The following TDRP variants were observed in gnomAD, a reference collection of about 807,000 sequenced individuals.
TDRP encodes testis development related protein.
TDRP carries 12 observed loss-of-function variants against 10.5 expected under a neutral mutation model. That is an observed-to-expected ratio of 1.15 (90% confidence interval 0.73 to 1.86). The LOEUF (loss-of-function observed/expected upper bound fraction) is 1.86. Ranked by LOEUF, TDRP falls within the 40% of genes most tolerant of loss-of-function variation. The pLI is 0.00. For missense variants in TDRP, 353 were observed against 229.2 expected (o/e 1.54, Z -3.49); for synonymous variants, 139 against 95.4 (o/e 1.46, Z -2.67).
intron 1 of TDRP, among the ~76,000 whole-genome samples, chr8:501,549 G>A (rs1049521989): frequency 2.0e-5 from 3 of 152,024 alleles, no homozygotes; most frequent in South Asian, 2.1e-4. Flanking sequence ...GTTTCACTAT[G>A]TTGGCCCGGC....
chr8:500,480 A>G (rs1259486623), intron 1 of TDRP, among the ~76,000 whole-genome samples: 1 of 152,196 alleles, frequency 6.6e-6, no homozygotes, highest in Non-Finnish European at 1.5e-5. Flanking sequence ...TGAACCTGCC[A>G]ATCTTCACCT....
In TDRP at chr8:528,446, G is replaced by A. The variant is rs562098890; in HGVS notation, c.108+16204C>T. 9.9e-5 allele frequency among the ~76,000 whole-genome samples: 13 copies of A among 131,424 alleles called. 1 individual carries two copies. The South Asian group carries it at 3.7e-3, about 38-fold the overall frequency. The allele number at this position is 131,424 out of a possible 152,430, so 86.2% of individuals were successfully genotyped here. Reference sequence around the variant, plus strand: ...AGAAAGGAAATCAATATATCAAAGAGATATCTGTGCTTCCAATATATATTG... The same window carrying A: ...AGAAAGGAAATCAATATATCAAAGAAATATCTGTGCTTCCAATATATATTG... On this transcript the variant is annotated intron_variant, in intron 1 of 2. Transcript: ENST00000324079.
In TDRP at chr8:544,763, G is replaced by C. The variant is rs916416376; in HGVS notation, c.-6C>G. ...CCCCGGCCCAGCTTCCACATGGTCA[G>C]GCGGGCTCCGGCGTCCCTCCGTCCG... On this transcript the variant is annotated 5_prime_UTR_variant, in exon 1 of 3. Transcript: ENST00000324079. 6.5e-6 allele frequency: 8 copies of C among 1,233,418 alleles called. No individual in the cohort carries two copies. The highest frequency in any genetic ancestry group is 4.0e-5 in the South Asian group (1 of 24,944). The allele number at this position is 1,233,418 out of a possible 1,614,324, so 76.4% of individuals were successfully genotyped here.
chr8:512,084 T>C (rs547472783), intron 1 of TDRP, among the ~76,000 whole-genome samples: 1 of 151,204 alleles, frequency 6.6e-6, no homozygotes, highest in Non-Finnish European at 1.5e-5. Context: ...CAATAGAGAA[T>C]AACAGAAGAG....
intron 1 of TDRP, among the ~76,000 whole-genome samples, chr8:514,812 ACCACCTCTCAGCCTCCTC>A (rs1801714114): frequency 6.6e-6 from 1 of 151,990 alleles, no homozygotes; most frequent in Non-Finnish European, 1.5e-5. Flanking sequence ...GTGCCAGTTT[ACCACCTCTCAGCCTCCTC>A]CCACCCTGGT....
chr8:496,722 T>TCTGTGTCCCC (rs1801146839), intron 1 of TDRP, among the ~76,000 whole-genome samples: 1 of 152,216 alleles, frequency 6.6e-6, no homozygotes, highest in Non-Finnish European at 1.5e-5. Flanking sequence ...ACGGTGTGGC[T>TCTGTGTCCCC]CTGTGTCCCC....
intron 1 of TDRP, among the ~76,000 whole-genome samples, chr8:495,222 A>G (rs1801092188): frequency 6.6e-6 from 1 of 152,168 alleles, no homozygotes; most frequent in African/African-American, 2.4e-5. Context: ...CAACAGAGCA[A>G]GACCCCATCT....
chr8:525,110 C>T (rs940600588), intron 1 of TDRP, among the ~76,000 whole-genome samples: 6 of 152,136 alleles, frequency 3.9e-5, no homozygotes, highest in African/African-American at 1.4e-4. Context: ...TCCGATAGGT[C>T]TGGCAGCAGG....
intron 1 of TDRP, among the ~76,000 whole-genome samples, chr8:528,964 C>T (rs974427887): frequency 6.6e-6 from 1 of 152,176 alleles, no homozygotes; most frequent in African/African-American, 2.4e-5. Context: ...AGTCCCAAAA[C>T]TGAAGAACTT....
At chr8:503,130 C>T (rs913644136) in intron 1 of TDRP, among the ~76,000 whole-genome samples, 1 of 152,100 alleles carries the variant, frequency 6.6e-6, no homozygotes, top group African/African-American at 2.4e-5. Flanking sequence ...ATGCCCACCT[C>T]AGCATGTGTC....
chr8:542,269 G>A (rs909871131), intron 1 of TDRP, among the ~76,000 whole-genome samples: 1 of 152,064 alleles, frequency 6.6e-6, no homozygotes, highest in African/African-American at 2.4e-5. Context: ...TGCACAGAGG[G>A]TCTCTAAGGC....
At chr8:495,970 G>A (rs535560780) in intron 1 of TDRP, among the ~76,000 whole-genome samples, 1 of 152,308 alleles carries the variant, frequency 6.6e-6, no homozygotes, top group African/African-American at 2.4e-5. Context: ...CTGTAGACGG[G>A]GGACAGGCCC....
chr8:500,799 T>C (rs536844358), intron 1 of TDRP, among the ~76,000 whole-genome samples: 129 of 152,180 alleles, frequency 8.5e-4, no homozygotes, highest in African/African-American at 2.8e-3. Flanking sequence ...GGGCAGGAAA[T>C]AGCACAGCAA....
chr8:514,473 A>T (rs893623363), intron 1 of TDRP, among the ~76,000 whole-genome samples: 2 of 152,124 alleles, frequency 1.3e-5, no homozygotes, highest in Non-Finnish European at 2.9e-5. Flanking sequence ...ACAACCACAA[A>T]ACTGGGGACA....
intron 1 of TDRP, among the ~76,000 whole-genome samples, chr8:543,523 G>A (rs1489904498): frequency 6.6e-6 from 1 of 151,578 alleles, no homozygotes; most frequent in Non-Finnish European, 1.5e-5. Flanking sequence ...CAAGAAGAGA[G>A]CTGTTTAGAG....
At chr8:541,979 T>C (rs906292161) in intron 1 of TDRP, among the ~76,000 whole-genome samples, 9 of 152,198 alleles carry the variant, frequency 5.9e-5, no homozygotes, top group Non-Finnish European at 1.0e-4. Context: ...AATAAACTGA[T>C]GTTTATTCAT....
At chr8:509,305 T>C (rs2116771759) in intron 1 of TDRP, among the ~76,000 whole-genome samples, 1 of 152,308 alleles carries the variant, frequency 6.6e-6, no homozygotes, top group African/African-American at 2.4e-5. Context: ...CAACCCCACA[T>C]TTCCCTTCCA....
At chr8:509,672 G>T (rs1324754863) in intron 1 of TDRP, among the ~76,000 whole-genome samples, 2 of 152,116 alleles carry the variant, frequency 1.3e-5, no homozygotes, top group African/African-American at 2.4e-5. Flanking sequence ...CTGCCCCAAA[G>T]GTCTCTGACA....
At chr8:522,658 C>T (rs1584873709) in intron 1 of TDRP, among the ~76,000 whole-genome samples, 1 of 152,198 alleles carries the variant, frequency 6.6e-6, no homozygotes, top group African/African-American at 2.4e-5. Context: ...TAGCTTGACT[C>T]TTTGTTTGGG....
Sources: gnomAD v4.1 joint callset for allele counts (sites outside exome capture counted in the v4.1 genomes callset) on GRCh38, gnomAD v4.1.1 for gene constraint, MANE v1.5 for transcripts, NCBI Gene and HGNC (gene_info 2026-07-23, HGNC 2026-07-21) for gene names.